Variants in HEBP2 observed in about 807,000 individuals in gnomAD.
The protein encoded by HEBP2 is heme binding protein 2.
In HEBP2, 27 loss-of-function variants were observed where a neutral mutation model predicts 23.1. That is an observed-to-expected ratio of 1.17 (90% CI 0.86 to 1.61). The LOEUF (loss-of-function observed/expected upper bound fraction) is 1.61. HEBP2 is among the 40% of genes most tolerant of loss of function. HEBP2 has a pLI of 0.00. For synonymous variants in HEBP2, 99 were observed against 95.1 expected (o/e 1.04, Z -0.24); for missense variants, 245 against 253.8 (o/e 0.97, Z 0.24).
chr6:138,411,040 T>A (rs193081154), intron 3 of HEBP2, among the ~76,000 whole-genome samples: 53 of 152,344 alleles, frequency 3.5e-4, no homozygotes, highest in African/African-American at 1.2e-3. Flanking sequence ...GTGGTAGGAT[T>A]GATTTTTTGC....
Position 138,404,404 on chromosome 6 carries a change from G to A in HEBP2, c.-92G>A. On this transcript the variant is annotated 5_prime_UTR_variant, in exon 1 of 4. Coordinates refer to ENST00000607197, the MANE Select transcript of HEBP2 (RefSeq NM_014320.3). The stretch of plus-strand genomic sequence containing the variant: ...CCGGGTCTGCGGAGCGGGGACTCGG[G>A]GCCTCGGCGGGGCGCGCACACGCAG... The A allele has an allele frequency of 1.2e-6, 1 of 836,978 alleles. No homozygotes were observed. The highest frequency in any genetic ancestry group is 1.6e-6 in the Non-Finnish European group (1 of 637,296). The allele number at this position is 836,978 out of a possible 1,614,324, so 51.8% of individuals were successfully genotyped here.
At chr6:138,405,022 G>C in intron 1 of HEBP2, 123 bp from the exon 2 acceptor site, 1 of 1,040,858 alleles carries the variant, frequency 9.6e-7, no homozygotes, top group Non-Finnish European at 1.4e-6. Context: ...GCCGGACCCC[G>C]GGGCGGTGCA....
At position 138,414,337 on chromosome 6, in the gene HEBP2, G is replaced by C. The variant is rs896361534; in HGVS notation, c.*1259G>C. The C allele has an allele frequency of 1.3e-5, 2 of 152,258 alleles. No homozygotes were observed. Among genetic ancestry groups the C allele is most frequent in the Non-Finnish European group, 2.9e-5 (2 of 68,062 alleles). 9.4% of individuals were successfully genotyped at this position (152,258 alleles called of 1,614,324 possible). A position where few individuals can be genotyped will look rare whatever the true frequency, so the allele number is the denominator to read the frequency against. On this transcript the variant is annotated 3_prime_UTR_variant, in exon 4 of 4. Coordinates refer to ENST00000607197, the MANE Select transcript of HEBP2 (RefSeq NM_014320.3). ...AGACTTTCAAAAGCATTTAGGAGTCGAGGGAGCTTTAGTTGTGGGGATGCA... is the reference window on the plus strand; with the variant it reads ...AGACTTTCAAAAGCATTTAGGAGTCCAGGGAGCTTTAGTTGTGGGGATGCA...
intron 2 of HEBP2, 65 bp downstream of exon 2, chr6:138,405,345 T>A: frequency 6.4e-7 from 1 of 1,572,228 alleles, no homozygotes; most frequent in Admixed American, 1.9e-5. Flanking sequence ...TTATTGAGTT[T>A]TAGCTTATTA....
chr6:138,406,762 T>C (rs192336176), intron 3 of HEBP2, among the ~76,000 whole-genome samples: 6 of 152,182 alleles, frequency 3.9e-5, no homozygotes, highest in Admixed American at 6.5e-5. Flanking sequence ...TTTCAAAATA[T>C]GAATTTTGAG....
rs559598275 is a variant in HEBP2, at chr6:138,408,823, T to C, written c.419+2672T>C. ...CTTGTTCTGGGCAATCCATTCATATTGCTTCAACTCCCTCAGTCGAATGAT... is the reference window on the plus strand; with the variant it reads ...CTTGTTCTGGGCAATCCATTCATATCGCTTCAACTCCCTCAGTCGAATGAT... On this transcript the variant is annotated intron_variant, in intron 3 of 3. Transcript: ENST00000607197. Among the ~76,000 whole-genome samples, 6 of 152,306 alleles carry C rather than the reference T, an allele frequency of 3.9e-5. No individual in the cohort carries two copies. In the East Asian group the frequency reaches 1.2e-3, roughly 29 times the overall value.
chr6:138,405,052 C>A, intron 1 of HEBP2, 93 bp from the exon 2 acceptor site: 1 of 1,422,462 alleles, frequency 7.0e-7, no homozygotes, highest in Middle Eastern at 1.8e-4. Flanking sequence ...CAGGACGGCT[C>A]CAGGTCGACC....
At position 138,422,183 on chromosome 6, in the gene HEBP2, T is replaced by G. The variant is rs573370932; in HGVS notation, c.*9105T>G. The G allele has an allele frequency of 6.6e-6, 1 of 152,362 alleles. No homozygotes were observed. The highest frequency in any genetic ancestry group is 1.9e-4 in the East Asian group (1 of 5,186). 9.4% of individuals were successfully genotyped at this position (152,362 alleles called of 1,614,324 possible). ...TGCATAAATTATGTATTATTAAAGG[T>G]TTCTGATATCCATATACATTCTAGT... On this transcript the variant is annotated 3_prime_UTR_variant, in exon 4 of 4. Coordinates refer to ENST00000607197, the MANE Select transcript of HEBP2 (RefSeq NM_014320.3).
chr6:138,412,915 A>C lies in HEBP2; in HGVS notation c.455A>C (p.Gln152Pro). The change falls in exon 4 of 4, where the codon CAA becomes CCA. Residue 152 changes from glutamine to proline, a missense_variant. By Grantham distance (76) the Gln-to-Pro change is moderately conservative. Transcript: ENST00000607197. ...FDGFSSAQKN[Q>P]EQLLTLASIL... ...GGATTTTCTAGTGCCCAAAAGAATC[A>C]AGAACAACTTTTGACATTAGCAAGC... The C allele has an allele frequency of 3.7e-6, 6 of 1,614,142 alleles. No individual in the cohort carries two copies. Among genetic ancestry groups the C allele is most frequent in the Middle Eastern group, 1.7e-4 (1 of 6,056 alleles).
At chr6:138,405,331 CTTATTA>C in intron 2 of HEBP2, 51 bp downstream of exon 2, 1 of 1,600,952 alleles carries the variant, frequency 6.2e-7, no homozygotes. Flanking sequence ...AGTCCCCGGG[CTTATTA>C]TTGAGTTTTA....
chr6:138,412,556 C>T (rs868502170), intron 3 of HEBP2, among the ~76,000 whole-genome samples: 1 of 152,134 alleles, frequency 6.6e-6, no homozygotes, highest in East Asian at 1.9e-4. Flanking sequence ...CAGGTTCAAG[C>T]GATTCTCCTG....
At position 138,405,302 on chromosome 6, in the gene HEBP2, A is replaced by C. The variant is rs982330016; in HGVS notation, c.238+22A>C. ...AAAGGTAAAAGCAGTTTTCCTTGTA[A>C]TTATGCATATTGTGAAAGAGTCCCC... On this transcript the variant is annotated intron_variant, in intron 2 of 3. Coordinates refer to ENST00000607197, the MANE Select transcript of HEBP2 (RefSeq NM_014320.3). The C allele has an allele frequency of 1.9e-6, 3 of 1,613,604 alleles. No individual in the cohort carries two copies. In the African/African-American group the frequency reaches 4.0e-5, roughly 22 times the overall value.
rs139565848 is a variant in HEBP2, at chr6:138,409,148, T to G, written c.419+2997T>G. 7.3e-3 allele frequency among the ~76,000 whole-genome samples: 1,112 copies of G among 152,210 alleles called. 12 individuals are homozygous for G. The highest frequency in any genetic ancestry group is 0.025 in the African/African-American group (1,034 of 41,518). On this transcript the variant is annotated intron_variant, in intron 3 of 3. Coordinates refer to ENST00000607197, the MANE Select transcript of HEBP2 (RefSeq NM_014320.3). ...CTCAAGGGATCCTCCCACTTCAGCC[T>G]CCTGAGTAGCATGTGCCACCACCAT...
At chr6:138,409,607 C>T (rs929057146) in intron 3 of HEBP2, among the ~76,000 whole-genome samples, 1 of 152,202 alleles carries the variant, frequency 6.6e-6, no homozygotes, top group Non-Finnish European at 1.5e-5. Flanking sequence ...AAGCCGTCTT[C>T]CCTGCCACCA....
chr6:138,413,005 C>A lies in HEBP2; in HGVS notation c.545C>A (p.Pro182His), dbSNP rs376505406. The A allele has an allele frequency of 1.5e-5, 24 of 1,613,866 alleles. No individual in the cohort carries two copies. The African/African-American group carries it at 3.2e-4, about 22-fold the overall frequency. ...TACTACACTGCAGGCTACAACAGTCCTGTCAAATTGCTTAATAGAAATAAT... is the reference window on the plus strand; with the variant it reads ...TACTACACTGCAGGCTACAACAGTCATGTCAAATTGCTTAATAGAAATAAT... The part of the protein sequence containing the change: ...KVYYTAGYNS[P>H]VKLLNRNNEV... Residue 182 changes from proline (P) to histidine (H), a missense_variant, in exon 4 of 4, where the codon CCT becomes CAT. By Grantham distance (77) the Pro-to-His change is moderately conservative. Transcript: ENST00000607197.
At position 138,413,280 on chromosome 6, in the gene HEBP2, T is replaced by G. The variant is rs1774784171; in HGVS notation, c.*202T>G. 3.8e-6 allele frequency: 2 copies of G among 529,224 alleles called. No homozygotes were observed. The highest frequency in any genetic ancestry group is 3.8e-5 in the African/African-American group (2 of 52,778). 32.8% of individuals were successfully genotyped at this position (529,224 alleles called of 1,614,324 possible). A position where few individuals can be genotyped will look rare whatever the true frequency, so the allele number is the denominator to read the frequency against. ...CAGAGGACAGTAGTCTGTAAACATA[T>G]AAATCGGTCATAACTATCGTGGTCT... On this transcript the variant is annotated 3_prime_UTR_variant, in exon 4 of 4. Transcript: ENST00000607197.
intron 3 of HEBP2, among the ~76,000 whole-genome samples, chr6:138,410,299 T>C (rs138559143): frequency 6.6e-4 from 101 of 152,254 alleles, no homozygotes; most frequent in African/African-American, 2.4e-3. Context: ...AAACAGTGAA[T>C]AGATCATTGT....
rs1372006831 is a variant in HEBP2, at chr6:138,406,038, G to A, written c.306G>A (p.Glu102=). 4 of 1,614,122 alleles carry A rather than the reference G, an allele frequency of 2.5e-6. No homozygotes were observed. Among genetic ancestry groups the A allele is most frequent in the Admixed American group, 1.7e-5 (1 of 60,028 alleles). Residue 102 remains glutamate, a synonymous_variant, in exon 3 of 4, where the codon GAG becomes GAA. Coordinates refer to ENST00000607197, the MANE Select transcript of HEBP2 (RefSeq NM_014320.3). Reference sequence around the variant, plus strand: ...AGCCTGGTTCAGGTCCTTTTAGTGAGTCTACCATTACCATTTCCCTGTATA... The same window carrying A: ...AGCCTGGTTCAGGTCCTTTTAGTGAATCTACCATTACCATTTCCCTGTATA... ...YVEPGSGPFS[E]STITISLYIP... is the part of the protein sequence containing the mutation.
intron 1 of HEBP2, among the ~76,000 whole-genome samples, 193 bp downstream of exon 1, chr6:138,404,790 A>T (rs1258140950): frequency 6.6e-6 from 1 of 152,082 alleles, no homozygotes. Context: ...TGCAGGTCCC[A>T]TCTCAATTTC....
Sources: allele counts gnomAD v4.1 joint callset (sites outside exome capture counted in the v4.1 genomes callset), GRCh38; gene constraint gnomAD v4.1.1; transcripts MANE v1.5; gene names NCBI Gene and HGNC (gene_info 2026-07-23, HGNC 2026-07-21).